Variants in PCDH9 observed in about 807,000 individuals in gnomAD.
PCDH9 encodes the protein protocadherin 9, also known as protocadherin-9.
PCDH9 carries 24 observed loss-of-function variants against 70.6 expected under a neutral mutation model. The observed-to-expected ratio is 0.34, with a 90% CI of 0.25 to 0.48. The LOEUF (loss-of-function observed/expected upper bound fraction) is 0.48. PCDH9 is among the 20% of genes least tolerant of loss of function. The pLI is 0.99. For missense variants in PCDH9, 1,281 were observed against 1,503.6 expected, an observed-to-expected ratio of 0.85 and a Z score of 2.45; for synonymous variants, 562 against 558.5, an observed-to-expected ratio of 1.01 and a Z score of -0.09.
At chr13:66,491,586 A>G (rs531125119) in intron 4 of PCDH9, among the ~76,000 whole-genome samples, 2 of 152,298 alleles carry the variant, frequency 1.3e-5, no homozygotes, top group African/African-American at 2.4e-5. Context: ...CTTTCCACAA[A>G]GTAGCTGGCA....
intron 4 of PCDH9, among the ~76,000 whole-genome samples, chr13:66,414,518 C>T (rs1225128619): frequency 6.6e-6 from 1 of 152,136 alleles, no homozygotes. Flanking sequence ...TAAGGTAGAC[C>T]TTCTTATTTT....
At chr13:66,466,109 C>T (rs1186544490) in intron 4 of PCDH9, among the ~76,000 whole-genome samples, 2 of 151,938 alleles carry the variant, frequency 1.3e-5, no homozygotes, top group Non-Finnish European at 2.9e-5. Flanking sequence ...ACAACTACAT[C>T]TCATGACATA....
intron 3 of PCDH9, among the ~76,000 whole-genome samples, chr13:66,671,259 C>T (rs1014948150): frequency 7.2e-5 from 11 of 152,210 alleles, no homozygotes; most frequent in East Asian, 3.9e-4. Context: ...ATCCAGTCTT[C>T]GGTATTTCTT....
intron 2 of PCDH9, chr13:67,201,922 T>C (rs1369498917): frequency 6.6e-6 from 1 of 152,086 alleles, no homozygotes; most frequent in Non-Finnish European, 1.5e-5. Flanking sequence ...TTATTATTCA[T>C]ACATTATAGT....
chr13:66,458,549 C>T (rs904714921), intron 4 of PCDH9, among the ~76,000 whole-genome samples: 5 of 151,984 alleles, frequency 3.3e-5, no homozygotes, highest in African/African-American at 1.2e-4. Context: ...TACTCTCTCT[C>T]TCCATCCTTT....
intron 3 of PCDH9, chr13:66,782,823 T>C (rs1238913070): frequency 6.6e-6 from 1 of 152,166 alleles, no homozygotes; most frequent in Non-Finnish European, 1.5e-5. Context: ...ATACATAACT[T>C]CAGTCAGATA....
chr13:66,809,418 A>AT (rs1365286334), intron 3 of PCDH9, among the ~76,000 whole-genome samples: 2 of 152,120 alleles, frequency 1.3e-5, no homozygotes, highest in African/African-American at 4.8e-5. Context: ...TGTGGAATCC[A>AT]TTTTTTTAAA....
At chr13:67,134,960 A>G (rs1353656700) in intron 2 of PCDH9, among the ~76,000 whole-genome samples, 1 of 151,984 alleles carries the variant, frequency 6.6e-6, no homozygotes, top group Non-Finnish European at 1.5e-5. Context: ...AAAGGGTACC[A>G]ATGAAAAGTG....
chr13:66,754,063 T>A (rs1161884906), intron 3 of PCDH9, among the ~76,000 whole-genome samples: 3 of 152,236 alleles, frequency 2.0e-5, no homozygotes, highest in Admixed American at 6.5e-5. Context: ...TTCATTTTTT[T>A]ATTTCATTAA....
chr13:66,434,209 T>C (rs1026507240), intron 4 of PCDH9, among the ~76,000 whole-genome samples: 24 of 152,070 alleles, frequency 1.6e-4, no homozygotes, highest in Admixed American at 1.4e-3. Context: ...CCAATTCATT[T>C]TTATGGTATG....
chr13:66,814,560 G>A (rs2080566941), intron 3 of PCDH9, among the ~76,000 whole-genome samples: 1 of 152,020 alleles, frequency 6.6e-6, no homozygotes, highest in African/African-American at 2.4e-5. Flanking sequence ...ATCTTGGTTT[G>A]ATGCACACAC....
intron 3 of PCDH9, among the ~76,000 whole-genome samples, chr13:66,853,091 A>G (rs1401390996): frequency 6.6e-6 from 1 of 151,902 alleles, no homozygotes; most frequent in African/African-American, 2.4e-5. Context: ...TATAAATTAT[A>G]ATTTTAAAAT....
chr13:66,489,054 T>C (rs2138528165), intron 4 of PCDH9, among the ~76,000 whole-genome samples: 1 of 152,314 alleles, frequency 6.6e-6, no homozygotes, highest in Admixed American at 6.5e-5. Flanking sequence ...TGCTAAGTGG[T>C]GTTATAATTT....
intron 2 of PCDH9, among the ~76,000 whole-genome samples, chr13:67,076,571 C>G (rs1037018760): frequency 6.6e-6 from 1 of 152,072 alleles, no homozygotes; most frequent in East Asian, 1.9e-4. Context: ...GATGTGGGCT[C>G]TCTGTCAGGA....
chr13:66,990,352 C>T (rs954424173), intron 2 of PCDH9, among the ~76,000 whole-genome samples: 5 of 151,546 alleles, frequency 3.3e-5, no homozygotes, highest in African/African-American at 1.2e-4. Context: ...TCATCATCTC[C>T]CTCTCTTTCC....
intron 2 of PCDH9, among the ~76,000 whole-genome samples, chr13:67,062,670 G>T (rs1303245107): frequency 6.6e-6 from 1 of 152,126 alleles, no homozygotes; most frequent in Admixed American, 6.6e-5. Flanking sequence ...TTGCAAAATT[G>T]TATACAGATA....
At chr13:67,206,374 C>T (rs542093134) in intron 2 of PCDH9, 1 of 152,194 alleles carries the variant, frequency 6.6e-6, no homozygotes, top group African/African-American at 2.4e-5. Flanking sequence ...CCATATTGGC[C>T]AGGCTGGTCT....
chr13:66,688,162 T>C (rs766182917), intron 3 of PCDH9, among the ~76,000 whole-genome samples: 1 of 152,178 alleles, frequency 6.6e-6, no homozygotes, highest in Admixed American at 6.5e-5. Flanking sequence ...TGTCTTCTTT[T>C]ACAACTATTT....
At chr13:66,799,225 C>G (rs1459408928) in intron 3 of PCDH9, among the ~76,000 whole-genome samples, 1 of 152,126 alleles carries the variant, frequency 6.6e-6, no homozygotes, top group Non-Finnish European at 1.5e-5. Flanking sequence ...CCACATATTG[C>G]TTTTTGCTAA....
Sources: gnomAD v4.1 joint callset for allele counts (sites outside exome capture counted in the v4.1 genomes callset) on GRCh38, gnomAD v4.1.1 for gene constraint, MANE v1.5 for transcripts, NCBI Gene and HGNC (gene_info 2026-07-23, HGNC 2026-07-21) for gene names.